Variants in ZFYVE28 observed in about 807,000 individuals in gnomAD.
The protein encoded by ZFYVE28 is lateral signaling target protein 2 homolog.
A neutral mutation model predicts 82.1 loss-of-function variants in ZFYVE28; 40 were observed. The ratio of observed to expected loss-of-function variants is 0.49; its 90% confidence interval spans 0.38 to 0.63. The LOEUF is 0.63. Among genes scored for constraint, ZFYVE28 ranks in the 30% least tolerant of loss-of-function variants. The pLI, the probability that ZFYVE28 is intolerant of heterozygous loss-of-function variation, is 0.00. For synonymous variants in ZFYVE28, 612 were observed against 546.1 expected (o/e 1.12, Z -1.68); for missense variants, 1,321 against 1,242.1 (o/e 1.06, Z -0.96).
intron 7 of ZFYVE28, chr4:2,316,249 T>G (rs1718191448): frequency 6.6e-6 from 1 of 152,082 alleles, no homozygotes; most frequent in Admixed American, 6.5e-5. Context: ...GCTATCACAC[T>G]GCACTGTAAT....
chr4:2,303,105 C>T (rs117216025), intron 8 of ZFYVE28, among the ~76,000 whole-genome samples: 80 of 152,264 alleles, frequency 5.3e-4, no homozygotes, highest in East Asian at 2.7e-3. Flanking sequence ...GGAGGGACAC[C>T]GGGAACCAGG....
rs1361109975 is a variant in ZFYVE28, at chr4:2,417,898, A to T, written c.39+387T>A. On this transcript the variant is annotated intron_variant, in intron 1 of 12. Transcript: ENST00000290974. This position sits in a 1 kb window ranked among gnomAD's most constrained non-coding sequence, Gnocchi z 4.8. ...CCTGGTGCAGGGAGGGGAGACGGAG[A>T]AGTAGTAGGGGGTCTGCTCCGGGCC... 6.6e-6 allele frequency among the ~76,000 whole-genome samples: 1 copy of T among 151,016 alleles called. No individual in the cohort carries two copies. Among genetic ancestry groups the T allele is most frequent in the Non-Finnish European group, 1.5e-5 (1 of 67,700 alleles).
chr4:2,274,247 G>C, intron 8 of ZFYVE28, 31 bp from the exon 9 acceptor site: 1 of 1,601,502 alleles, frequency 6.2e-7, no homozygotes, highest in Non-Finnish European at 8.5e-7. Context: ...CGGTGTGTGG[G>C]GTGGGGCATG....
At chr4:2,354,613 C>T (rs535436310) in intron 1 of ZFYVE28, among the ~76,000 whole-genome samples, 1 of 152,162 alleles carries the variant, frequency 6.6e-6, no homozygotes, top group Non-Finnish European at 1.5e-5. Context: ...TGCCCGCTGT[C>T]ATGCCTGGAT....
chr4:2,294,055 C>A (rs1015737418), intron 8 of ZFYVE28, among the ~76,000 whole-genome samples: 1 of 148,452 alleles, frequency 6.7e-6, no homozygotes, highest in Non-Finnish European at 1.5e-5. Context: ...TACATAATCC[C>A]AATCAAAATC....
intron 7 of ZFYVE28, among the ~76,000 whole-genome samples, chr4:2,317,585 C>G (rs1718413991): frequency 6.6e-6 from 1 of 152,128 alleles, no homozygotes; most frequent in African/African-American, 2.4e-5. Context: ...CATGCAACTT[C>G]AAAATCTGGC....
At chr4:2,271,830 A>G (rs767039996) in intron 10 of ZFYVE28, 51 bp from the exon 11 acceptor site, 2 of 1,548,652 alleles carry the variant, frequency 1.3e-6, no homozygotes, top group Non-Finnish European at 1.8e-6. Flanking sequence ...CGGGCAATTG[A>G]TGCAGGGTCA....
intron 1 of ZFYVE28, among the ~76,000 whole-genome samples, chr4:2,387,996 C>T (rs1257063243): frequency 1.3e-5 from 2 of 152,236 alleles, no homozygotes; most frequent in African/African-American, 4.8e-5. Context: ...GGAGTCGCCA[C>T]CCTCGGACAC....
At chr4:2,276,140 G>A (rs1736417727) in intron 8 of ZFYVE28, among the ~76,000 whole-genome samples, 1 of 152,078 alleles carries the variant, frequency 6.6e-6, no homozygotes, top group Non-Finnish European at 1.5e-5. Context: ...GCGGGCTGCG[G>A]CAGAGCGGGG....
intron 1 of ZFYVE28, among the ~76,000 whole-genome samples, chr4:2,369,850 CTT>C (rs1408650676): frequency 6.6e-5 from 4 of 61,034 alleles, no homozygotes; most frequent in Non-Finnish European, 9.7e-5. Flanking sequence ...TTTTTCTTTT[CTT>C]TTTTTTTTTT....
At chr4:2,407,496 A>T (rs1732049221) in intron 1 of ZFYVE28, among the ~76,000 whole-genome samples, 1 of 151,902 alleles carries the variant, frequency 6.6e-6, no homozygotes, top group South Asian at 2.1e-4. Flanking sequence ...TATGAACCTG[A>T]TGATTCAACT....
chr4:2,354,817 A>G (rs1724998309), intron 1 of ZFYVE28, among the ~76,000 whole-genome samples: 2 of 152,048 alleles, frequency 1.3e-5, no homozygotes, highest in Admixed American at 1.3e-4. Flanking sequence ...TAACAATAAA[A>G]TTTACTACAC....
chr4:2,361,433 G>A (rs890215005), intron 1 of ZFYVE28, among the ~76,000 whole-genome samples: 15 of 152,286 alleles, frequency 9.8e-5, no homozygotes, highest in African/African-American at 3.4e-4. Flanking sequence ...GTGCGCACGT[G>A]TGAGCTCAGC....
chr4:2,291,127 C>T (rs182025604), intron 8 of ZFYVE28, among the ~76,000 whole-genome samples: 1 of 152,334 alleles, frequency 6.6e-6, no homozygotes, highest in East Asian at 1.9e-4. Context: ...CTTTAAAAAG[C>T]TCTCTGAACA....
chr4:2,351,734 G>T (rs1207513207), intron 2 of ZFYVE28, among the ~76,000 whole-genome samples: 1 of 152,242 alleles, frequency 6.6e-6, no homozygotes, highest in East Asian at 1.9e-4. Context: ...AGTCCCACAA[G>T]ACGGCGCCCC....
intron 1 of ZFYVE28, among the ~76,000 whole-genome samples, chr4:2,415,820 C>T (rs1005975879): frequency 1.3e-5 from 2 of 152,172 alleles, no homozygotes; most frequent in Non-Finnish European, 2.9e-5. Context: ...TAACATACTC[C>T]GACCCTTCAA....
intron 1 of ZFYVE28, among the ~76,000 whole-genome samples, chr4:2,360,410 C>CACAT (rs1335456839): frequency 6.6e-6 from 1 of 151,422 alleles, no homozygotes; most frequent in Non-Finnish European, 1.5e-5. Context: ...CACACACACA[C>CACAT]ACACACACAC....
intron 1 of ZFYVE28, among the ~76,000 whole-genome samples, chr4:2,399,637 G>A (rs1237605751): frequency 6.6e-6 from 1 of 152,236 alleles, no homozygotes; most frequent in Non-Finnish European, 1.5e-5. Context: ...AGAGGGTCAG[G>A]GAGGGGATCA....
chr4:2,333,765 G>A (rs551291105), intron 6 of ZFYVE28, among the ~76,000 whole-genome samples: 3 of 152,340 alleles, frequency 2.0e-5, no homozygotes, highest in South Asian at 2.1e-4. Context: ...GGCTCACAGC[G>A]CCCTGCGCCC....
Sources: gnomAD v4.1 joint callset for allele counts (sites outside exome capture counted in the v4.1 genomes callset) on GRCh38, gnomAD v4.1.1 for gene constraint, Gnocchi (gnomAD v3.1) non-coding constraint, MANE v1.5 for transcripts, NCBI Gene and HGNC (gene_info 2026-07-23, HGNC 2026-07-21) for gene names.